The following SCN9A variants were observed in gnomAD, a reference collection of about 807,000 sequenced individuals.
SCN9A encodes sodium voltage-gated channel alpha subunit 9, also known as sodium channel protein type 9 subunit alpha.
In SCN9A, 131 loss-of-function variants were observed where a neutral mutation model predicts 187.0. The observed-to-expected ratio is 0.70, with a 90% confidence interval of 0.61 to 0.81. SCN9A has a LOEUF of 0.81. Ranked by LOEUF, SCN9A falls within the 30% of genes least tolerant of loss-of-function variation. The pLI is 0.00. For synonymous variants in SCN9A, 809 were observed against 808.6 expected, an observed-to-expected ratio of 1.00 and a Z score of -0.01; for missense variants, 2,252 against 2,396.6, an observed-to-expected ratio of 0.94 and a Z score of 1.26.
intron 19 of SCN9A, 32 bp from the exon 20 acceptor site, chr2:166,238,299 C>T (rs1200611540): frequency 2.2e-6 from 3 of 1,360,436 alleles, no homozygotes; most frequent in Admixed American, 2.4e-5. Flanking sequence ...TTCAATCATG[C>T]ACAACTTAAG....
At chr2:166,341,455 A>T (rs1257404586) in intron 1 of SCN9A, among the ~76,000 whole-genome samples, 1 of 152,260 alleles carries the variant, frequency 6.6e-6, no homozygotes, top group African/African-American at 2.4e-5. Flanking sequence ...CTCCCACTTT[A>T]TACCGTCTAA....
At chr2:166,335,523 A>G (rs1184111248) in intron 1 of SCN9A, among the ~76,000 whole-genome samples, 1 of 152,112 alleles carries the variant, frequency 6.6e-6, no homozygotes, top group Admixed American at 6.6e-5. Context: ...GACCTTCTAA[A>G]TTTTGGAAAC....
At chr2:166,350,008 A>AG (rs11435802) in intron 1 of SCN9A, among the ~76,000 whole-genome samples, 1 of 151,214 alleles carries the variant, frequency 6.6e-6, no homozygotes, top group Non-Finnish European at 1.5e-5. Flanking sequence ...AAAAAATAAA[A>AG]TAAAATTAAC....
At chr2:166,291,059 T>C (rs898468917) in intron 9 of SCN9A, among the ~76,000 whole-genome samples, 1 of 152,146 alleles carries the variant, frequency 6.6e-6, no homozygotes, top group Non-Finnish European at 1.5e-5. Context: ...CTATTCAATA[T>C]AGTGTTGGAA....
chr2:166,302,936 C>T (rs2106521776), intron 7 of SCN9A, 154 bp downstream of exon 7: 1 of 616,414 alleles, frequency 1.6e-6, no homozygotes, highest in Non-Finnish European at 2.7e-6. Context: ...TTATGAAAAT[C>T]ATATATAACA....
In SCN9A at chr2:166,284,674, T is replaced by A; in HGVS notation, c.1753A>T (p.Arg585Trp). The A allele has an allele frequency of 1.2e-6, 2 of 1,614,016 alleles. No homozygotes were observed. Among genetic ancestry groups the A allele is most frequent in the Non-Finnish European group, 1.7e-6 (2 of 1,179,894 alleles). ...HSIFGDNESR[R>W]GSLFVPHRPQ... is the part of the protein sequence containing the mutation. Reference sequence around the variant, plus strand: ...CTGTGGGGCACAAACAGTGAGCCCCTTCTGCTCTCATTGTCTCCAAAAATG... The same window carrying A: ...CTGTGGGGCACAAACAGTGAGCCCCATCTGCTCTCATTGTCTCCAAAAATG... Residue 585 changes from arginine to tryptophan, a missense_variant, in exon 12 of 27, where the codon AGG becomes TGG. Transcript: ENST00000642356.
chr2:166,280,505 T>G lies in SCN9A; in HGVS notation c.2195A>C (p.Lys732Thr). 6.3e-7 allele frequency: 1 copy of G among 1,588,896 alleles called. No homozygotes were observed. The highest frequency in any genetic ancestry group is 8.6e-7 in the Non-Finnish European group (1 of 1,165,488). Reference sequence around the variant, plus strand: ...AATAAAATAGATACACTTTTTGAATTTTATCCAATATGGAGAGCAATTCCA... The same window carrying G: ...AATAAAATAGATACACTTTTTGAATGTTATCCAATATGGAGAGCAATTCCA... ...LIWNCSPYWI[K>T]FKKCIYFIVM... Residue 732 changes from lysine (K) to threonine (T), a missense_variant, in exon 14 of 27, where the codon AAA becomes ACA. Around this residue, in one of 7 missense-constraint regions of SCN9A, gnomAD observed 1,013 missense variants for 997.4 expected, o/e 1.02. Coordinates refer to ENST00000642356, the MANE Select transcript of SCN9A (RefSeq NM_001365536.1).
At chr2:166,233,314 C>T (rs1695177687) in intron 21 of SCN9A, 26 bp downstream of exon 21, 2 of 1,449,682 alleles carry the variant, frequency 1.4e-6, no homozygotes, top group African/African-American at 1.5e-5. Flanking sequence ...AAAATAAGAA[C>T]ATTATAAAGT....
At chr2:166,331,583 C>A (rs1343766579) in intron 1 of SCN9A, among the ~76,000 whole-genome samples, 1 of 152,182 alleles carries the variant, frequency 6.6e-6, no homozygotes, top group African/African-American at 2.4e-5. Flanking sequence ...ATGAGCAAGA[C>A]ATCCTAATAT....
At position 166,195,960 on chromosome 2, in the gene SCN9A, G is replaced by GT. The variant is rs1693233097; in HGVS notation, c.*2711dup. 1 of 152,200 alleles carries GT rather than the reference G, an allele frequency of 6.6e-6. No homozygotes were observed. Among genetic ancestry groups the GT allele is most frequent in the African/African-American group, 2.4e-5 (1 of 41,398 alleles). The allele number at this position is 152,200 out of a possible 1,614,324, so 9.4% of individuals were successfully genotyped here. On this transcript the variant is annotated 3_prime_UTR_variant, in exon 27 of 27. Coordinates refer to ENST00000642356, the MANE Select transcript of SCN9A (RefSeq NM_001365536.1). ...CTACTTGGGAGGCTGAGGCAGGAGGGTTGCTTGAGCCCAGAGTTGAGGCTG... is the reference window on the plus strand; with the variant it reads ...CTACTTGGGAGGCTGAGGCAGGAGGGTTTGCTTGAGCCCAGAGTTGAGGCTG...
At chr2:166,236,007 AGTGT>A (rs1335816707) in intron 20 of SCN9A, among the ~76,000 whole-genome samples, 2 of 152,106 alleles carry the variant, frequency 1.3e-5, no homozygotes, top group Non-Finnish European at 2.9e-5. Context: ...GATGAAAATG[AGTGT>A]ATTTGTGATA....
intron 17 of SCN9A, among the ~76,000 whole-genome samples, chr2:166,265,582 G>C (rs1480405980): frequency 6.6e-6 from 1 of 151,872 alleles, no homozygotes; most frequent in Admixed American, 6.6e-5. Flanking sequence ...TATTTACTTA[G>C]TATTGGGACT....
intron 1 of SCN9A, among the ~76,000 whole-genome samples, chr2:166,314,392 C>T (rs958536780): frequency 6.6e-6 from 1 of 152,150 alleles, no homozygotes; most frequent in African/African-American, 2.4e-5. Flanking sequence ...ATTTCATATA[C>T]ACATTCAAAA....
At position 166,281,776 on chromosome 2, in the gene SCN9A, A is replaced by G. The variant is rs1357970543; in HGVS notation, c.2007T>C (p.Arg669=). 7 of 1,613,002 alleles carry G rather than the reference A, an allele frequency of 4.3e-6. No individual in the cohort carries two copies. The South Asian group carries it at 6.6e-5, about 15-fold the overall frequency. ...CCTCTGAAAGGAGATAGGAACTACA[A>G]CGCCTTTTCTTGTGTATTTGATTGG... ...GTTNQIHKKR[R]CSSYLLSEDM... The change falls in exon 13 of 27, where the codon CGT becomes CGC. Residue 669 remains arginine, a synonymous_variant. Coordinates refer to ENST00000642356, the MANE Select transcript of SCN9A (RefSeq NM_001365536.1).
chr2:166,365,834 T>C (rs547065965), intron 1 of SCN9A, among the ~76,000 whole-genome samples: 178 of 152,328 alleles, frequency 1.2e-3, no homozygotes, highest in African/African-American at 4.2e-3. Context: ...CGAATATTTA[T>C]CTCTTCATTA....
rs1693227251 is a variant in SCN9A at position 166,195,761 on chromosome 2, A to T, written c.*2911T>A. ...TTTTCATCCGAAAGATTTGTGTTCA[A>T]ACCTGTTTGGGGCATGGTGGCTCAT... On this transcript the variant is annotated 3_prime_UTR_variant, in exon 27 of 27. Transcript: ENST00000642356. 6.6e-6 allele frequency: 1 copy of T among 152,216 alleles called. No homozygotes were observed. Among genetic ancestry groups the T allele is most frequent in the South Asian group, 2.1e-4 (1 of 4,830 alleles). 9.4% of individuals were successfully genotyped at this position (152,216 alleles called of 1,614,324 possible).
chr2:166,275,988 A>G (rs1235704982), intron 16 of SCN9A, among the ~76,000 whole-genome samples: 1 of 152,150 alleles, frequency 6.6e-6, no homozygotes, highest in Admixed American at 6.6e-5. Context: ...GGCTGTTACC[A>G]TATCCCACCT....
intron 7 of SCN9A, 148 bp downstream of exon 7, chr2:166,302,942 T>A (rs2106521806): frequency 1.5e-6 from 1 of 652,394 alleles, no homozygotes; most frequent in African/African-American, 1.8e-5. Flanking sequence ...AAATCATATA[T>A]AACATGACCC....
chr2:166,234,752 T>A (rs188059806), intron 20 of SCN9A, among the ~76,000 whole-genome samples: 3,133 of 151,660 alleles, frequency 0.021, 113 homozygotes, highest in African/African-American at 0.073. Flanking sequence ...ATCAGAAAAT[T>A]TTTTTTTTAA....
Sources: allele counts gnomAD v4.1 joint callset (sites outside exome capture counted in the v4.1 genomes callset), GRCh38; gene constraint gnomAD v4.1.1; regional missense constraint gnomAD v4.1.1; transcripts MANE v1.5; gene names NCBI Gene and HGNC (gene_info 2026-07-23, HGNC 2026-07-21).